Variants in DNAH9 observed in about 807,000 individuals in gnomAD.
The protein encoded by DNAH9 is DNAH9 variant protein.
DNAH9 carries 345 observed loss-of-function variants against 471.6 expected under a neutral mutation model. That is an observed-to-expected ratio of 0.73 (90% CI 0.67 to 0.80). The LOEUF is 0.80. DNAH9 is among the 30% of genes least tolerant of loss of function. The pLI, the probability that DNAH9 is intolerant of heterozygous loss-of-function variation, is 0.00. For synonymous variants in DNAH9, 2,093 were observed against 2,123.6 expected (o/e 0.99, Z 0.40); for missense variants, 5,407 against 5,609.2 (o/e 0.96, Z 1.15).
At chr17:11,960,744 G>A (rs578022826) in intron 67 of DNAH9, among the ~76,000 whole-genome samples, 39 of 152,122 alleles carry the variant, frequency 2.6e-4, no homozygotes, top group African/African-American at 9.4e-4. Context: ...GGGTGACAGA[G>A]CAAGACACCG....
At chr17:11,869,865 C>A (rs565463166) in intron 51 of DNAH9, among the ~76,000 whole-genome samples, 1 of 152,332 alleles carries the variant, frequency 6.6e-6, no homozygotes, top group Non-Finnish European at 1.5e-5. Flanking sequence ...TTGTTGAGGG[C>A]AGGGCTCAGC....
chr17:11,966,896 A>G (rs1389277277), intron 68 of DNAH9, among the ~76,000 whole-genome samples: 1 of 151,756 alleles, frequency 6.6e-6, no homozygotes, highest in African/African-American at 2.4e-5. Flanking sequence ...TTAGCCAGGC[A>G]TGGTGGCACA....
intron 43 of DNAH9, among the ~76,000 whole-genome samples, chr17:11,798,638 G>A (rs1481821258): frequency 6.6e-6 from 1 of 151,894 alleles, no homozygotes; most frequent in Non-Finnish European, 1.5e-5. Flanking sequence ...TTCCCAATCT[G>A]AGACCCATTG....
rs752228163 is a variant in DNAH9, at chr17:11,821,910, T to G, written c.8708-10T>G. 1 of 1,605,050 alleles carries G rather than the reference T, an allele frequency of 6.2e-7. No homozygotes were observed. Among genetic ancestry groups the G allele is most frequent in the South Asian group, 1.1e-5 (1 of 89,414 alleles). On this transcript the variant is annotated splice_polypyrimidine_tract_variant and intron_variant, in intron 45 of 68. Transcript: ENST00000262442. The stretch of plus-strand genomic sequence containing the variant: ...CCAAGGCTGCCTATCTGTGCTCCAT[T>G]TTTTCCCAGGGGAGATCCCAGATCT...
intron 67 of DNAH9, among the ~76,000 whole-genome samples, chr17:11,952,559 T>C (rs911637317): frequency 1.3e-5 from 2 of 152,138 alleles, no homozygotes; most frequent in African/African-American, 4.8e-5. Context: ...ATATATGTAT[T>C]TGGGTCCTGT....
At chr17:11,685,753 A>G (rs2074231463) in intron 19 of DNAH9, among the ~76,000 whole-genome samples, 1 of 151,884 alleles carries the variant, frequency 6.6e-6, no homozygotes, top group Non-Finnish European at 1.5e-5. Context: ...TGAGGCGGGC[A>G]CAGAATTGGA....
intron 29 of DNAH9, among the ~76,000 whole-genome samples, chr17:11,739,935 G>A (rs748956813): frequency 2.6e-5 from 4 of 152,168 alleles, no homozygotes; most frequent in Non-Finnish European, 5.9e-5. Context: ...ACACAGTGCT[G>A]TCTGTCCGGA....
At chr17:11,742,111 T>A in intron 29 of DNAH9, 64 bp from the exon 30 acceptor site, 1 of 1,504,050 alleles carries the variant, frequency 6.6e-7, no homozygotes, top group Non-Finnish European at 9.2e-7. Context: ...CTTATTTTCT[T>A]GCAGTCTCCT....
At chr17:11,935,614 T>C (rs1974686780) in intron 65 of DNAH9, among the ~76,000 whole-genome samples, 2 of 151,698 alleles carry the variant, frequency 1.3e-5, no homozygotes, top group South Asian at 4.2e-4. Context: ...GACCTCATGA[T>C]CCTCCCACCT....
At chr17:11,734,948 C>T (rs1278375941) in intron 28 of DNAH9, among the ~76,000 whole-genome samples, 1 of 152,168 alleles carries the variant, frequency 6.6e-6, no homozygotes, top group Non-Finnish European at 1.5e-5. Flanking sequence ...CAGTGGTTCT[C>T]AAATTTCAGC....
At chr17:11,783,881 T>C in intron 40 of DNAH9, 133 bp downstream of exon 40, 1 of 697,280 alleles carries the variant, frequency 1.4e-6, no homozygotes, top group Non-Finnish European at 2.4e-6. Context: ...GAATGCCAAA[T>C]TGCATCTCTA....
chr17:11,809,174 T>G (rs4792181), intron 44 of DNAH9, among the ~76,000 whole-genome samples: 104,322 of 151,954 alleles, frequency 0.69, 35,993 homozygotes, highest in African/African-American at 0.71. Flanking sequence ...GTTTTCAATG[T>G]ATATAATTTC....
chr17:11,822,284 T>C (rs925266079), intron 46 of DNAH9, among the ~76,000 whole-genome samples, 154 bp from the exon 47 acceptor site: 1 of 152,210 alleles, frequency 6.6e-6, no homozygotes, highest in African/African-American at 2.4e-5. Flanking sequence ...TTTTGATCTC[T>C]TGGCTGGTGA....
Position 11,869,158 on chromosome 17 carries a change from C to T in DNAH9, c.9958C>T (p.Leu3320Phe), listed in dbSNP as rs376235180. 25 of 1,613,760 alleles carry T rather than the reference C, an allele frequency of 1.5e-5. No individual in the cohort carries two copies. The highest frequency in any genetic ancestry group is 2.0e-5 in the Non-Finnish European group (24 of 1,179,770). Reference sequence around the variant, plus strand: ...GCACCTTAATGAAAACCTGGCAAAGCTCACAGCCAGGTTTGAGAAAGCAAC... The same window carrying T: ...GCACCTTAATGAAAACCTGGCAAAGTTCACAGCCAGGTTTGAGAAAGCAAC... ...IAHLNENLAKLTARFEKATAD... is the reference protein window; with the variant it reads ...IAHLNENLAKFTARFEKATAD... Residue 3320 changes from leucine (L) to phenylalanine (F), a missense_variant, in exon 51 of 69, where the codon CTC becomes TTC. Transcript: ENST00000262442.
intron 17 of DNAH9, 87 bp downstream of exon 17, chr17:11,669,881 G>A (rs1345443083): frequency 3.5e-6 from 4 of 1,146,210 alleles, no homozygotes; most frequent in Admixed American, 4.3e-5. Context: ...TTTTCCCCAT[G>A]GGTATGTTGG....
At chr17:11,711,895 A>T (rs796918087) in intron 26 of DNAH9, among the ~76,000 whole-genome samples, 13 of 2,482 alleles carry the variant, frequency 5.2e-3, no homozygotes, top group South Asian at 0.023. Context: ...TTTATATATA[A>T]ATATATATAT....
In DNAH9 at chr17:11,797,704, G is replaced by T. The variant is rs368759713; in HGVS notation, c.8331G>T (p.Leu2777Phe). The T allele has an allele frequency of 6.2e-7, 1 of 1,614,160 alleles. No individual in the cohort carries two copies. The highest frequency in any genetic ancestry group is 8.5e-7 in the Non-Finnish European group (1 of 1,180,026). ...TGCCTGTACAGTCTTGGGAACTTTT[G>T]ACCCAGACTCTGGTGGAGGCCTTGG... ...KYMPVQSWEL[L>F]TQTLVEALEN... The change falls in exon 43 of 69, where the codon TTG becomes TTT. Residue 2777 changes from leucine (L) to phenylalanine (F), a missense_variant. By Grantham distance (22) the Leu-to-Phe change is conservative (BLOSUM62 0). Coordinates refer to ENST00000262442, the MANE Select transcript of DNAH9 (RefSeq NM_001372.4).
At chr17:11,681,563 A>G (rs113370927) in intron 19 of DNAH9, among the ~76,000 whole-genome samples, 3,360 of 152,264 alleles carry the variant, frequency 0.022, 121 homozygotes, top group African/African-American at 0.076. Context: ...ACATCTGCTG[A>G]TGTGCCAGCT....
chr17:11,636,493 C>A, intron 8 of DNAH9, 141 bp from the exon 9 acceptor site: 1 of 621,038 alleles, frequency 1.6e-6, no homozygotes, highest in Admixed American at 2.9e-5. Flanking sequence ...TGAATAATTA[C>A]AGGTCCAGCT....
Sources: allele counts gnomAD v4.1 joint callset (sites outside exome capture counted in the v4.1 genomes callset), GRCh38; gene constraint gnomAD v4.1.1; transcripts MANE v1.5; gene names NCBI Gene and HGNC (gene_info 2026-07-23, HGNC 2026-07-21).